The following RBFOX1 variants were observed in gnomAD, a reference collection of about 807,000 sequenced individuals.
The protein encoded by RBFOX1 is RNA binding fox-1 homolog 1.
Under a neutral mutation model 57.7 loss-of-function variants are expected in RBFOX1, and 8 were observed. That is an observed-to-expected ratio of 0.14 (90% CI 0.08 to 0.25). RBFOX1 has a LOEUF of 0.25. Ranked by LOEUF, RBFOX1 falls within the 10% of genes least tolerant of loss-of-function variation. RBFOX1 has a pLI of 1.00. For missense variants in RBFOX1, 611 were observed against 548.5 expected, an observed-to-expected ratio of 1.11 and a Z score of -1.14; for synonymous variants, 326 against 222.4, an observed-to-expected ratio of 1.47 and a Z score of -4.15.
chr16:6,805,652 G>A (rs538042078), intron 3 of RBFOX1, among the ~76,000 whole-genome samples: 32 of 149,992 alleles, frequency 2.1e-4, no homozygotes, highest in African/African-American at 7.9e-4. Flanking sequence ...TACAAGGAGG[G>A]AAGTCTGTTA....
At chr16:5,912,444 C>T (rs1329421872) in intron 4 of RBFOX1, among the ~76,000 whole-genome samples, 1 of 152,170 alleles carries the variant, frequency 6.6e-6, no homozygotes, top group Non-Finnish European at 1.5e-5. Flanking sequence ...GGTTTGGGGA[C>T]ATGTCACGGC....
chr16:5,383,967 T>C (rs1371599162), intron 1 of RBFOX1, among the ~76,000 whole-genome samples: 1 of 152,226 alleles, frequency 6.6e-6, no homozygotes, highest in Non-Finnish European at 1.5e-5. Flanking sequence ...TTCTGCATTC[T>C]CCTCCATGCT....
intron 7 of RBFOX1, among the ~76,000 whole-genome samples, chr16:7,590,270 A>C (rs2152916823): frequency 6.6e-6 from 1 of 151,724 alleles, no homozygotes; most frequent in Admixed American, 6.6e-5. Context: ...TTATCTCAGA[A>C]CAAGTATCTA....
intron 3 of RBFOX1, among the ~76,000 whole-genome samples, chr16:5,668,491 C>T (rs2049918796): frequency 6.6e-6 from 1 of 152,132 alleles, no homozygotes; most frequent in South Asian, 2.1e-4. Context: ...ACCACTGGCA[C>T]TGCTGGAAAG....
chr16:7,466,474 C>T (rs1397803862), intron 4 of RBFOX1, among the ~76,000 whole-genome samples: 1 of 152,102 alleles, frequency 6.6e-6, no homozygotes, highest in Non-Finnish European at 1.5e-5. Flanking sequence ...TTTAAAAAGT[C>T]ACCCCAGGTC....
At position 7,178,106 on chromosome 16, in the gene RBFOX1, C is replaced by T. The variant is rs184051517; in HGVS notation, c.27+126008C>T. On this transcript the variant is annotated intron_variant, in intron 4 of 15. Coordinates refer to ENST00000550418, the MANE Select transcript of RBFOX1 (RefSeq NM_018723.4). ...GATATGCTGCTGTTACAAATAACCC[C>T]CAGGATGTCAGTGACAGCAGCAGCA... Among the ~76,000 whole-genome samples, 23 of 152,270 alleles carry T rather than the reference C, an allele frequency of 1.5e-4. No individual in the cohort carries two copies. The East Asian group carries it at 2.9e-3, about 19-fold the overall frequency.
chr16:7,553,899 G>C (rs768621330), intron 5 of RBFOX1, among the ~76,000 whole-genome samples: 1 of 152,206 alleles, frequency 6.6e-6, no homozygotes, highest in East Asian at 1.9e-4. Flanking sequence ...GAAGAGCTAA[G>C]TTCTGCTTAA....
intron 3 of RBFOX1, among the ~76,000 whole-genome samples, chr16:6,770,483 C>G (rs2078105591): frequency 6.6e-6 from 1 of 152,184 alleles, no homozygotes; most frequent in African/African-American, 2.4e-5. Flanking sequence ...GGTACCACGG[C>G]AGAGCTCAAT....
At chr16:7,582,063 T>A (rs1038186609) in intron 6 of RBFOX1, among the ~76,000 whole-genome samples, 1 of 148,046 alleles carries the variant, frequency 6.8e-6, no homozygotes, top group Non-Finnish European at 1.5e-5. Flanking sequence ...AAAGTCTTAG[T>A]CTGTCACCCA....
chr16:6,184,931 G>A (rs2097095554), intron 1 of RBFOX1, among the ~76,000 whole-genome samples: 2 of 152,148 alleles, frequency 1.3e-5, no homozygotes, highest in African/African-American at 2.4e-5. Context: ...TGGATTGCAA[G>A]AGAAGCAGCT....
chr16:6,553,011 G>T (rs2097021352), intron 2 of RBFOX1, among the ~76,000 whole-genome samples: 1 of 152,104 alleles, frequency 6.6e-6, no homozygotes, highest in African/African-American at 2.4e-5. Context: ...CAAGTTCTCT[G>T]AGGACTGGCT....
intron 3 of RBFOX1, among the ~76,000 whole-genome samples, chr16:6,663,410 G>T (rs1310978166): frequency 6.6e-6 from 1 of 152,182 alleles, no homozygotes; most frequent in African/African-American, 2.4e-5. Flanking sequence ...TAGCCAGCAG[G>T]ATTTGTTTCT....
chr16:7,324,240 G>C (rs1295853606), intron 4 of RBFOX1, among the ~76,000 whole-genome samples: 3 of 152,146 alleles, frequency 2.0e-5, no homozygotes, highest in Non-Finnish European at 1.5e-5. Flanking sequence ...CTTCTAAAGA[G>C]AAAATAATAG....
At chr16:6,562,836 C>CTT (rs1249096337) in intron 2 of RBFOX1, among the ~76,000 whole-genome samples, 1 of 37,948 alleles carries the variant, frequency 2.6e-5, no homozygotes, top group Admixed American at 3.0e-4. Context: ...TGATTCTTTT[C>CTT]TTTCTTTCTT....
intron 2 of RBFOX1, among the ~76,000 whole-genome samples, chr16:6,341,800 C>A (rs1208016746): frequency 2.0e-5 from 3 of 152,096 alleles, no homozygotes; most frequent in African/African-American, 7.2e-5. Flanking sequence ...GCATTGTGGG[C>A]TCTCCCTGAA....
intron 2 of RBFOX1, among the ~76,000 whole-genome samples, chr16:5,531,671 A>T (rs986325966): frequency 6.6e-6 from 1 of 152,176 alleles, no homozygotes; most frequent in African/African-American, 2.4e-5. Context: ...GATTAAATGA[A>T]TCAATGTGTT....
At chr16:5,255,668 C>T (rs1057146881) in intron 1 of RBFOX1, among the ~76,000 whole-genome samples, 2 of 151,950 alleles carry the variant, frequency 1.3e-5, no homozygotes, top group South Asian at 2.1e-4. Context: ...ATTCGTCCAC[C>T]TGCCCACCCA....
chr16:6,916,318 G>C (rs28713327), intron 3 of RBFOX1, among the ~76,000 whole-genome samples: 1 of 152,154 alleles, frequency 6.6e-6, no homozygotes, highest in Non-Finnish European at 1.5e-5. Flanking sequence ...TTGATGGACA[G>C]TTGGGTTGTT....
intron 4 of RBFOX1, among the ~76,000 whole-genome samples, chr16:5,996,592 G>T (rs1369054342): frequency 6.6e-6 from 1 of 152,078 alleles, no homozygotes; most frequent in Admixed American, 6.5e-5. Flanking sequence ...CAGGGAATGG[G>T]GAAATCACAA....
Sources: allele counts gnomAD v4.1 joint callset (sites outside exome capture counted in the v4.1 genomes callset), GRCh38; gene constraint gnomAD v4.1.1; transcripts MANE v1.5; gene names NCBI Gene and HGNC (gene_info 2026-07-23, HGNC 2026-07-21).